MAP4: variants seen among roughly 807,000 people sequenced by gnomAD.
The protein encoded by MAP4 is microtubule-associated protein 4.
In MAP4, 76 loss-of-function variants were observed where a neutral mutation model predicts 170.2. That is an observed-to-expected ratio of 0.45 (90% CI 0.37 to 0.54). The LOEUF (loss-of-function observed/expected upper bound fraction) is 0.54, where lower values mean the gene tolerates loss of function less well. Among genes scored for constraint, MAP4 ranks in the 20% least tolerant of loss-of-function variants. The pLI, the probability that MAP4 is intolerant of heterozygous loss-of-function variation, is 0.00. For synonymous variants in MAP4, 909 were observed against 994.5 expected (o/e 0.91, Z 1.62); for missense variants, 2,506 against 2,748.0 (o/e 0.91, Z 1.97).
intron 1 of MAP4, among the ~76,000 whole-genome samples, chr3:48,067,103 G>A (rs962176462): frequency 1.3e-5 from 2 of 151,774 alleles, no homozygotes; most frequent in Non-Finnish European, 2.9e-5. Context: ...GCCTCCCAAA[G>A]TGCTGAGATC....
intron 5 of MAP4, among the ~76,000 whole-genome samples, chr3:47,919,334 G>A (rs565440653): frequency 6.6e-6 from 1 of 151,590 alleles, no homozygotes; most frequent in African/African-American, 2.4e-5. Context: ...TTGAGACAGA[G>A]TCTCGCACTG....
intron 3 of MAP4, among the ~76,000 whole-genome samples, chr3:47,969,839 G>C (rs188643386): frequency 2.0e-5 from 3 of 149,990 alleles, no homozygotes; most frequent in African/African-American, 7.4e-5. Context: ...CAGCCTGGGC[G>C]ACAGAGCAAG....
chr3:48,034,682 G>A lies in MAP4; in HGVS notation c.-19-35803C>T, dbSNP rs139075982. Among the ~76,000 whole-genome samples the A allele has an allele frequency of 7.0e-4, 106 of 151,848 alleles. 1 individual carries two copies. In the East Asian group the frequency reaches 0.019, roughly 27 times the overall value. ...CATGCCACCACACTCCACCCTGGGC[G>A]ACAGAGAGAGACTCTGTATCCAAAA... On this transcript the variant is annotated intron_variant, in intron 1 of 18. Transcript: ENST00000360240.
At chr3:47,858,586 GGTGTGTGT>G (rs59208724) in intron 17 of MAP4, among the ~76,000 whole-genome samples, 24 of 145,280 alleles carry the variant, frequency 1.7e-4, no homozygotes, top group African/African-American at 3.9e-4. Context: ...GTGAGGGGGT[GGTGTGTGT>G]GTGTGTGTGT....
chr3:48,030,707 G>A (rs1427036319), intron 1 of MAP4, among the ~76,000 whole-genome samples: 1 of 145,074 alleles, frequency 6.9e-6, no homozygotes, highest in African/African-American at 2.5e-5. Flanking sequence ...GCTGAGACAG[G>A]AGAATTGCTT....
Position 48,051,338 on chromosome 3 carries a change from GGAGGCA to G in MAP4, c.-20+37429_-20+37434del, listed in dbSNP as rs376303200. Among the ~76,000 whole-genome samples the G allele has an allele frequency of 4.0e-3, 608 of 152,146 alleles. 6 individuals are homozygous for G. Among genetic ancestry groups the G allele is most frequent in the African/African-American group, 0.014 (589 of 41,484 alleles). On this transcript the variant is annotated intron_variant, in intron 1 of 18. Transcript: ENST00000360240. ...GAGGCAGGAGAACTGCTTGAACCCG[GGAGGCA>G]GAGGCTGCAGTGAGACAGAGCAAGA...
intron 1 of MAP4, among the ~76,000 whole-genome samples, chr3:48,084,880 C>T (rs1462935440): frequency 1.3e-5 from 2 of 151,714 alleles, no homozygotes; most frequent in African/African-American, 4.8e-5. Context: ...TGGCCTCAAG[C>T]AATCCTCCGC....
intron 10 of MAP4, among the ~76,000 whole-genome samples, chr3:47,889,888 AC>A (rs1421100267): frequency 1.3e-5 from 2 of 150,900 alleles, no homozygotes; most frequent in Admixed American, 6.6e-5. Context: ...CCATAAAAAA[AC>A]GTGTTTTTTA....
intron 17 of MAP4, among the ~76,000 whole-genome samples, chr3:47,863,878 C>T (rs973917281): frequency 6.8e-6 from 1 of 147,608 alleles, no homozygotes; most frequent in Non-Finnish European, 1.5e-5. Context: ...CCTCTCATCC[C>T]TGTGGTAACT....
chr3:48,057,480 C>A (rs1388502065), intron 1 of MAP4, among the ~76,000 whole-genome samples: 2 of 131,448 alleles, frequency 1.5e-5, no homozygotes, highest in Non-Finnish European at 3.2e-5. Context: ...TGCGGAAGGC[C>A]GCAGGGTCCT....
chr3:47,935,203 T>C (rs930368881), intron 3 of MAP4, among the ~76,000 whole-genome samples: 4 of 152,096 alleles, frequency 2.6e-5, no homozygotes, highest in Admixed American at 6.6e-5. Context: ...CATAACACAG[T>C]CGTGGGATGA....
intron 1 of MAP4, among the ~76,000 whole-genome samples, chr3:48,065,663 G>C (rs2100137970): frequency 6.6e-6 from 1 of 152,206 alleles, no homozygotes; most frequent in African/African-American, 2.4e-5. Context: ...AGGAATCCCT[G>C]TATGCACTGG....
chr3:48,007,305 T>C (rs1376265943), intron 1 of MAP4, among the ~76,000 whole-genome samples: 2 of 152,212 alleles, frequency 1.3e-5, no homozygotes, highest in East Asian at 1.9e-4. Flanking sequence ...AGTTAAAGGA[T>C]AAGTTGTTGT....
chr3:47,949,465 CAAAAAA>C (rs60076214), intron 3 of MAP4, among the ~76,000 whole-genome samples: 1 of 70,890 alleles, frequency 1.4e-5, no homozygotes, highest in Admixed American at 1.8e-4. Flanking sequence ...GACTGCGTCC[CAAAAAA>C]AAAAAAAAAA....
intron 1 of MAP4, among the ~76,000 whole-genome samples, chr3:48,052,461 A>C (rs2100128441): frequency 1.3e-5 from 2 of 152,082 alleles, no homozygotes; most frequent in Non-Finnish European, 2.9e-5. Context: ...GCCTCAAGTG[A>C]TCTACCCGCC....
chr3:48,008,329 G>T (rs918987554), intron 1 of MAP4, among the ~76,000 whole-genome samples: 1 of 152,148 alleles, frequency 6.6e-6, no homozygotes, highest in Non-Finnish European at 1.5e-5. Context: ...CTTCACAGAC[G>T]GTTCTGCATC....
intron 4 of MAP4, among the ~76,000 whole-genome samples, chr3:47,925,629 A>G (rs74502901): frequency 0.044 from 6,716 of 152,310 alleles, 499 homozygotes; most frequent in African/African-American, 0.15. Context: ...AGTCACAAAG[A>G]AACCACTTTA....
chr3:47,855,036 A>G lies in MAP4; in HGVS notation c.6696+212T>C, dbSNP rs182689401. The stretch of plus-strand genomic sequence containing the variant: ...AGGAGCAAGGTTCTGCCTCCAGCTG[A>G]CAGGTGAGGGGTGGCTGGGCTGGGG... On this transcript the variant is annotated intron_variant, in intron 19 of 20. Coordinates refer to ENST00000683076, the MANE Select transcript of MAP4 (RefSeq NM_001385682.1). This position sits in a 1 kb window ranked among gnomAD's most constrained non-coding sequence, Gnocchi z 5.1. 6.1e-5 allele frequency: 33 copies of G among 543,320 alleles called. No individual in the cohort carries two copies. The East Asian group carries it at 8.1e-4, about 13-fold the overall frequency. The allele number at this position is 543,320 out of a possible 1,614,324, so 33.7% of individuals were successfully genotyped here. A position where few individuals can be genotyped will look rare whatever the true frequency, so the allele number is the denominator to read the frequency against.
intron 1 of MAP4, among the ~76,000 whole-genome samples, chr3:48,036,569 T>C (rs1002098712): frequency 6.6e-6 from 1 of 152,222 alleles, no homozygotes; most frequent in South Asian, 2.1e-4. Context: ...TATAGAGCTA[T>C]GGCCAAATGC....
Sources: gnomAD v4.1 joint callset for allele counts (sites outside exome capture counted in the v4.1 genomes callset) on GRCh38, gnomAD v4.1.1 for gene constraint, Gnocchi (gnomAD v3.1) non-coding constraint, MANE v1.5 for transcripts, NCBI Gene and HGNC (gene_info 2026-07-23, HGNC 2026-07-21) for gene names.